The following RFX2 variants were observed in gnomAD, a reference collection of about 807,000 sequenced individuals.
The protein encoded by RFX2 is DNA-binding protein RFX2.
A neutral mutation model predicts 87.8 loss-of-function variants in RFX2; 20 were observed. The ratio of observed to expected loss-of-function variants is 0.23; its 90% CI spans 0.16 to 0.33. RFX2 has a LOEUF of 0.33. RFX2 is among the 10% of genes least tolerant of loss of function. The probability of loss-of-function intolerance (pLI) is 1.00; values close to 1 mark genes in which losing one functional copy is unlikely to be tolerated. For synonymous variants in RFX2, 397 were observed against 431.3 expected, an observed-to-expected ratio of 0.92 and a Z score of 0.98; for missense variants, 767 against 1,012.3, an observed-to-expected ratio of 0.76 and a Z score of 3.29.
chr19:6,071,388 G>T (rs1384527423), intron 1 of RFX2, among the ~76,000 whole-genome samples: 1 of 150,392 alleles, frequency 6.6e-6, no homozygotes, highest in Non-Finnish European at 1.5e-5. Context: ...GTACTTTTAA[G>T]TGATCGTCTA....
Position 6,023,551 on chromosome 19 carries a change from G to A in RFX2, c.597+2612C>T, listed in dbSNP as rs1041888371. Among the ~76,000 whole-genome samples, 2 of 152,076 alleles carry A rather than the reference G, an allele frequency of 1.3e-5. No homozygotes were observed. Among genetic ancestry groups the A allele is most frequent in the Non-Finnish European group, 2.9e-5 (2 of 68,018 alleles). ...GATCTTATTTTACTTCCTTTGCTTCGAGTCACCAAGCCCGGAATCTTACTG... is the reference window on the plus strand; with the variant it reads ...GATCTTATTTTACTTCCTTTGCTTCAAGTCACCAAGCCCGGAATCTTACTG... On this transcript the variant is annotated intron_variant, in intron 6 of 17. Transcript: ENST00000303657. The surrounding 1 kb of genome is among the most constrained non-coding windows in gnomAD (Gnocchi z 4.9).
At position 6,068,716 on chromosome 19, in the gene RFX2, G is replaced by A. The variant is rs191810830; in HGVS notation, c.-8-21212C>T. 2.0e-5 allele frequency among the ~76,000 whole-genome samples: 3 copies of A among 152,330 alleles called. No individual in the cohort carries two copies. The East Asian group carries it at 5.8e-4, about 29-fold the overall frequency. On this transcript the variant is annotated intron_variant, in intron 1 of 17. Transcript: ENST00000303657. ...GGAGCTGAGTGAACCAGAAGGCAAG[G>A]AGAAAGGCCCACACAGGCCATTGTA...
chr19:6,097,231 C>A (rs550145043), intron 1 of RFX2, among the ~76,000 whole-genome samples: 1 of 152,134 alleles, frequency 6.6e-6, no homozygotes, highest in Non-Finnish European at 1.5e-5. Context: ...GAAGAACGAG[C>A]GGTCCAGGCT....
chr19:6,068,857 G>A (rs1432607068), intron 1 of RFX2, among the ~76,000 whole-genome samples: 1 of 152,158 alleles, frequency 6.6e-6, no homozygotes, highest in Non-Finnish European at 1.5e-5. Context: ...TTGAGAATAG[G>A]GGAAGAAGGA....
chr19:6,029,937 G>A (rs1381111258), intron 5 of RFX2, among the ~76,000 whole-genome samples: 3 of 152,194 alleles, frequency 2.0e-5, no homozygotes, highest in Non-Finnish European at 4.4e-5. Context: ...TACCCAGTCT[G>A]AGGAGCGGAA....
rs1372436836 is a variant in RFX2 at position 6,083,116 on chromosome 19, AG to A, written c.-9+27276del. Among the ~76,000 whole-genome samples the A allele has an allele frequency of 6.6e-6, 1 of 152,196 alleles. No individual in the cohort carries two copies. Among genetic ancestry groups the A allele is most frequent in the Non-Finnish European group, 1.5e-5 (1 of 68,030 alleles). Reference sequence around the variant, plus strand: ...GAGACGGGGTTTCACCCTGTTGTCCAGGCTGGTCTTGAACTCCTGGCCTCAA... The same window carrying A: ...GAGACGGGGTTTCACCCTGTTGTCCAGCTGGTCTTGAACTCCTGGCCTCAA... On this transcript the variant is annotated intron_variant, in intron 1 of 17. Coordinates refer to ENST00000303657, the MANE Select transcript of RFX2 (RefSeq NM_000635.4). This position sits in a 1 kb window ranked among gnomAD's most constrained non-coding sequence, Gnocchi z 4.6.
Position 6,016,948 on chromosome 19 carries a change from AG to A in RFX2, c.598-678del. Among the ~76,000 whole-genome samples, 2 of 152,362 alleles carry A rather than the reference AG, an allele frequency of 1.3e-5. 1 individual carries two copies. The highest frequency in any genetic ancestry group is 4.1e-4 in the South Asian group (2 of 4,824). Reference sequence around the variant, plus strand: ...ATGGAGAGAAATTCTGTTGCTGAACAGGAAGATTGAAGAAGACTCGGGGGCC... The same window carrying A: ...ATGGAGAGAAATTCTGTTGCTGAACAGAAGATTGAAGAAGACTCGGGGGCC... On this transcript the variant is annotated intron_variant, in intron 6 of 17. Coordinates refer to ENST00000303657, the MANE Select transcript of RFX2 (RefSeq NM_000635.4). This position sits in a 1 kb window ranked among gnomAD's most constrained non-coding sequence, Gnocchi z 5.4.
intron 1 of RFX2, among the ~76,000 whole-genome samples, chr19:6,065,250 T>C: frequency 6.6e-6 from 1 of 152,178 alleles, no homozygotes. Flanking sequence ...GGGGGAGTCT[T>C]TGTGTAAGTC....
rs150677377 is a variant in RFX2 at position 6,055,879 on chromosome 19, A to T, written c.-8-8375T>A. On this transcript the variant is annotated intron_variant, in intron 1 of 17. Coordinates refer to ENST00000303657, the MANE Select transcript of RFX2 (RefSeq NM_000635.4). ...TACTACTGGAATACTCTTCATGAAT[A>T]GAAAGGAATTAATTACTGAAATTCA... Among the ~76,000 whole-genome samples the T allele has an allele frequency of 9.2e-5, 14 of 152,376 alleles. No homozygotes were observed. In the East Asian group the frequency reaches 2.5e-3, roughly 27 times the overall value.
At chr19:6,096,435 GT>G (rs1469780484) in intron 1 of RFX2, among the ~76,000 whole-genome samples, 50 of 95,014 alleles carry the variant, frequency 5.3e-4, no homozygotes, top group African/African-American at 8.0e-4. Context: ...TTTGTTTTTT[GT>G]TTTGTTTTGT....
intron 1 of RFX2, among the ~76,000 whole-genome samples, chr19:6,078,895 C>T (rs2087734688): frequency 2.0e-5 from 3 of 152,222 alleles, no homozygotes; most frequent in African/African-American, 7.2e-5. Context: ...AGTGCCTCAG[C>T]CTCCCAAGTA....
chr19:6,107,910 C>T (rs2088245129), intron 1 of RFX2, among the ~76,000 whole-genome samples: 1 of 152,148 alleles, frequency 6.6e-6, no homozygotes, highest in African/African-American at 2.4e-5. Flanking sequence ...TTTAAATATA[C>T]ATCACACATA....
chr19:6,008,802 T>C (rs2086623977), intron 9 of RFX2, among the ~76,000 whole-genome samples: 1 of 151,826 alleles, frequency 6.6e-6, no homozygotes, highest in Non-Finnish European at 1.5e-5. Flanking sequence ...CTCAGCCTCT[T>C]GAGTATTTGG....
chr19:6,088,145 A>C (rs2087880748), intron 1 of RFX2, among the ~76,000 whole-genome samples: 1 of 151,512 alleles, frequency 6.6e-6, no homozygotes. Context: ...CTCTAAGCCT[A>C]ACCCAGGCTG....
At chr19:6,082,750 T>C (rs2087803490) in intron 1 of RFX2, among the ~76,000 whole-genome samples, 1 of 152,018 alleles carries the variant, frequency 6.6e-6, no homozygotes, top group Non-Finnish European at 1.5e-5. Context: ...GGCCAGAAAA[T>C]ACACATTTTT....
At chr19:6,015,800 C>A (rs1240194202) in intron 7 of RFX2, among the ~76,000 whole-genome samples, 1 of 152,100 alleles carries the variant, frequency 6.6e-6, no homozygotes, top group Non-Finnish European at 1.5e-5. Flanking sequence ...CACACCTGGC[C>A]CAGAGGCTGC....
At chr19:6,037,262 C>T (rs956327138) in intron 5 of RFX2, among the ~76,000 whole-genome samples, 2 of 140,464 alleles carry the variant, frequency 1.4e-5, no homozygotes, top group Non-Finnish European at 3.0e-5. Flanking sequence ...CCAGCCTGGG[C>T]GACAGAGAGA....
rs2086887239 is a variant in RFX2 at position 6,026,242 on chromosome 19, A to G, written c.523-5T>C. On this transcript the variant is annotated splice_region_variant and splice_polypyrimidine_tract_variant and intron_variant, in intron 5 of 17. Coordinates refer to ENST00000303657, the MANE Select transcript of RFX2 (RefSeq NM_000635.4). The surrounding 1 kb of genome is among the most constrained non-coding windows in gnomAD (Gnocchi z 4.5). ...GTTTTCAATCGCCATTTCAAGCTAA[A>G]GAAAATGTGTGCAGAAACAAAACAA... is the stretch of plus-strand genomic sequence containing the variant. The G allele has an allele frequency of 6.2e-7, 1 of 1,612,818 alleles. No homozygotes were observed. Among genetic ancestry groups the G allele is most frequent in the Non-Finnish European group, 8.5e-7 (1 of 1,179,148 alleles).
intron 6 of RFX2, among the ~76,000 whole-genome samples, chr19:6,025,910 C>A (rs1190699562): frequency 6.6e-6 from 1 of 151,550 alleles, no homozygotes; most frequent in East Asian, 1.9e-4. Context: ...CTCAGCCTCC[C>A]AAGTAGCTGG....
Sources: allele counts gnomAD v4.1 joint callset (sites outside exome capture counted in the v4.1 genomes callset), GRCh38; gene constraint gnomAD v4.1.1; non-coding constraint Gnocchi (gnomAD v3.1); transcripts MANE v1.5; gene names NCBI Gene and HGNC (gene_info 2026-07-23, HGNC 2026-07-21).